Variants in SLCO1A2 observed in about 807,000 individuals in gnomAD.
SLCO1A2 encodes the protein solute carrier organic anion transporter family member 1A2, also known as OATP-1.
In SLCO1A2, 67 loss-of-function variants were observed where a neutral mutation model predicts 69.0. The ratio of observed to expected loss-of-function variants is 0.97; its 90% CI spans 0.80 to 1.19. The LOEUF is 1.19. SLCO1A2 is among the 50% of genes most tolerant of loss of function. SLCO1A2 has a pLI of 0.00. For synonymous variants in SLCO1A2, 260 were observed against 265.9 expected (o/e 0.98, Z 0.22); for missense variants, 787 against 793.7 (o/e 0.99, Z 0.10).
chr12:21,308,778 A>G (rs905816953), intron 4 of SLCO1A2, among the ~76,000 whole-genome samples: 1 of 152,208 alleles, frequency 6.6e-6, no homozygotes, highest in African/African-American at 2.4e-5. Flanking sequence ...GTCCCTGCGT[A>G]ATGACTCTAC....
chr12:21,402,580 G>A (rs1941741790), intron 1 of SLCO1A2, among the ~76,000 whole-genome samples: 1 of 152,010 alleles, frequency 6.6e-6, no homozygotes, highest in South Asian at 2.1e-4. Context: ...AATGTTTCTG[G>A]CATTCCACTT....
chr12:21,389,874 C>G (rs1169960331), intron 1 of SLCO1A2, among the ~76,000 whole-genome samples: 1 of 149,404 alleles, frequency 6.7e-6, no homozygotes, highest in African/African-American at 2.4e-5. Context: ...TAAAATGCTT[C>G]CTATGGGTTT....
intron 1 of SLCO1A2, among the ~76,000 whole-genome samples, chr12:21,384,892 A>G (rs974878506): frequency 1.3e-5 from 2 of 151,480 alleles, no homozygotes; most frequent in Admixed American, 6.6e-5. Context: ...CGGCTTCCCG[A>G]GTAGCTGGGA....
intron 1 of SLCO1A2, among the ~76,000 whole-genome samples, chr12:21,410,769 T>G (rs1174123941): frequency 6.6e-6 from 1 of 152,192 alleles, no homozygotes; most frequent in African/African-American, 2.4e-5. Context: ...GGTTTTTATT[T>G]TTGTCAAATG....
At chr12:21,301,737 T>C (rs922414896) in intron 6 of SLCO1A2, among the ~76,000 whole-genome samples, 1 of 152,242 alleles carries the variant, frequency 6.6e-6, no homozygotes, top group African/African-American at 2.4e-5. Context: ...GTCCTCATTA[T>C]TATTATATGA....
chr12:21,399,431 G>A (rs1462895971), upstream of SLCO1A2, among the ~76,000 whole-genome samples: 236 of 36,686 alleles, frequency 6.4e-3, no homozygotes, highest in Middle Eastern at 0.029. Context: ...AATCAATATC[G>A]TGAAAATGGC....
chr12:21,299,150 T>C (rs1401639987), intron 8 of SLCO1A2, among the ~76,000 whole-genome samples: 1 of 152,104 alleles, frequency 6.6e-6, no homozygotes, highest in East Asian at 1.9e-4. Context: ...TAAGTTCCAA[T>C]AGCCAGGCTG....
chr12:21,334,628 C>A lies in SLCO1A2; in HGVS notation c.20G>T (p.Arg7Ile), dbSNP rs766585974. 4 of 1,610,162 alleles carry A rather than the reference C, an allele frequency of 2.5e-6. No individual in the cohort carries two copies. In the Admixed American group the frequency reaches 6.7e-5, roughly 27 times the overall value. MGETEK[R>I]IETHRIRCLS... Reference sequence around the variant, plus strand: ...ACATCTTATTCTATGGGTTTCAATTCTTTTCTCAGTTTCTCCCATGTTGCT... The same window carrying A: ...ACATCTTATTCTATGGGTTTCAATTATTTTCTCAGTTTCTCCCATGTTGCT... Residue 7 changes from arginine (R) to isoleucine (I), a missense_variant, in exon 2 of 15, where the codon AGA (arginine) becomes ATA (isoleucine). By Grantham distance (97) the Arg-to-Ile change is moderately conservative. Transcript: ENST00000683939.
intron 2 of SLCO1A2, chr12:21,373,744 C>A (rs1565521309): frequency 2.9e-6 from 2 of 700,508 alleles, no homozygotes; most frequent in Non-Finnish European, 5.2e-6. Context: ...GTAGTAATTT[C>A]TTCTATATTA....
chr12:21,412,236 C>T (rs999693476), intron 1 of SLCO1A2, among the ~76,000 whole-genome samples: 3 of 151,938 alleles, frequency 2.0e-5, no homozygotes, highest in Non-Finnish European at 2.9e-5. Context: ...CAAAAATTAG[C>T]TGGGCATGGT....
intron 1 of SLCO1A2, chr12:21,378,531 G>A: frequency 1.1e-6 from 1 of 950,360 alleles, no homozygotes; most frequent in South Asian, 1.4e-5. Flanking sequence ...CTGTGTGTCT[G>A]ATGTTTGTTG....
intron 2 of SLCO1A2, among the ~76,000 whole-genome samples, chr12:21,360,363 TA>T (rs1257580395): frequency 6.6e-6 from 1 of 152,142 alleles, no homozygotes; most frequent in Non-Finnish European, 1.5e-5. Context: ...TAAAAATAAA[TA>T]AATGGGCCAA....
intron 12 of SLCO1A2, among the ~76,000 whole-genome samples, chr12:21,283,987 T>C (rs558559252): frequency 6.6e-6 from 1 of 152,298 alleles, no homozygotes; most frequent in East Asian, 1.9e-4. Flanking sequence ...ACAACTACTA[T>C]GCAGAACAGT....
At chr12:21,360,204 A>G (rs1938719986) in intron 2 of SLCO1A2, among the ~76,000 whole-genome samples, 1 of 152,216 alleles carries the variant, frequency 6.6e-6, no homozygotes, top group Non-Finnish European at 1.5e-5. Context: ...ACAACATTTT[A>G]GAAGGATGGA....
At chr12:21,324,706 CTT>C (rs990607712) in intron 2 of SLCO1A2, 4 of 152,314 alleles carry the variant, frequency 2.6e-5, no homozygotes, top group East Asian at 1.9e-4. Flanking sequence ...TCTCTTGACT[CTT>C]TAACCAGAGC....
chr12:21,342,742 T>C (rs1266692876), intron 2 of SLCO1A2, among the ~76,000 whole-genome samples: 1 of 152,118 alleles, frequency 6.6e-6, no homozygotes, highest in African/African-American at 2.4e-5. Flanking sequence ...ACATTTTAGA[T>C]AGAATCATCT....
chr12:21,309,034 T>C (rs1949779186), intron 4 of SLCO1A2, among the ~76,000 whole-genome samples: 1 of 152,290 alleles, frequency 6.6e-6, no homozygotes. Flanking sequence ...CTTGAAAGAA[T>C]AGTATGTTCC....
Position 21,314,585 on chromosome 12 carries a change from C to T in SLCO1A2, c.299G>A (p.Cys100Tyr). Residue 100 changes from cysteine (C) to tyrosine (Y), a missense_variant, in exon 4 of 15, where the codon TGT (cysteine) becomes TAT (tyrosine). Physicochemically the swap from Cys to Tyr is radical, Grantham distance 194 (BLOSUM62 -2). Transcript: ENST00000683939. ...GAAATGAGGTAGTGATTTTAAGAAA[C>T]AGCCTAAGCCCATAACCACACATCC... is the stretch of plus-strand genomic sequence containing the variant. Reference protein sequence around the residue: ...GIGCVVMGLGCFLKSLPHFLM... With the variant: ...GIGCVVMGLGYFLKSLPHFLM... 6.2e-7 allele frequency: 1 copy of T among 1,614,062 alleles called. No homozygotes were observed.
intron 3 of SLCO1A2, among the ~76,000 whole-genome samples, chr12:21,317,102 A>G (rs772586606): frequency 7.2e-5 from 11 of 152,152 alleles, no homozygotes; most frequent in Non-Finnish European, 1.5e-4. Context: ...TGCAATTAAA[A>G]TTATTACTCC....
Sources: allele counts gnomAD v4.1 joint callset (sites outside exome capture counted in the v4.1 genomes callset), GRCh38; gene constraint gnomAD v4.1.1; transcripts MANE v1.5; gene names NCBI Gene and HGNC (gene_info 2026-07-23, HGNC 2026-07-21).